B3GALT1: variants seen among roughly 807,000 people sequenced by gnomAD.
B3GALT1 encodes beta-1,3-galactosyltransferase 1, also known as UDP-Gal:betaGlcNAc beta 1,3-galactosyltransferase, polypeptide 1.
Under a neutral mutation model 23.2 loss-of-function variants are expected in B3GALT1, and 10 were observed. That is an observed-to-expected ratio of 0.43 (90% CI 0.27 to 0.73). The LOEUF (loss-of-function observed/expected upper bound fraction) is 0.73, where lower values mean the gene tolerates loss of function less well. B3GALT1 is among the 30% of genes least tolerant of loss of function. The pLI, the probability that B3GALT1 is intolerant of heterozygous loss-of-function variation, is 0.21. For missense variants in B3GALT1, 299 were observed against 405.4 expected (o/e 0.74, Z 2.25); for synonymous variants, 156 against 141.5 (o/e 1.10, Z -0.73).
chr2:167,825,216 G>A (rs558672414), intron 4 of B3GALT1, among the ~76,000 whole-genome samples: 15 of 146,604 alleles, frequency 1.0e-4, no homozygotes, highest in South Asian at 6.5e-4. Context: ...CCCGGGAGGC[G>A]AAGCTTGCAG....
intron 2 of B3GALT1, among the ~76,000 whole-genome samples, chr2:167,491,694 G>C (rs1699713006): frequency 6.6e-6 from 1 of 151,520 alleles, no homozygotes. Flanking sequence ...GGGTGTCTGT[G>C]GTCTCAGCTA....
intron 1 of B3GALT1, among the ~76,000 whole-genome samples, chr2:167,333,758 T>C (rs1015933142): frequency 6.6e-6 from 1 of 152,174 alleles, no homozygotes; most frequent in Non-Finnish European, 1.5e-5. Flanking sequence ...AAGCAATGCA[T>C]TTAGGTTATT....
chr2:167,371,983 A>G (rs1697693430), intron 1 of B3GALT1, among the ~76,000 whole-genome samples: 1 of 151,740 alleles, frequency 6.6e-6, no homozygotes, highest in South Asian at 2.1e-4. Context: ...GTTAAAAGAT[A>G]TGGTTAAAAT....
chr2:167,833,664 T>TATC (rs1414783938), intron 4 of B3GALT1, among the ~76,000 whole-genome samples: 1 of 152,246 alleles, frequency 6.6e-6, no homozygotes, highest in African/African-American at 2.4e-5. Flanking sequence ...GAAAGTTACC[T>TATC]ATCTATCTAA....
At chr2:167,713,675 C>T in intron 3 of B3GALT1, 1 of 1,424,132 alleles carries the variant, frequency 7.0e-7, no homozygotes, top group Non-Finnish European at 9.8e-7. Context: ...TGCTGTGGTT[C>T]TGGATGTTCA....
At chr2:167,632,615 T>C (rs1685470478) in intron 2 of B3GALT1, among the ~76,000 whole-genome samples, 1 of 152,130 alleles carries the variant, frequency 6.6e-6, no homozygotes, top group Admixed American at 6.6e-5. Flanking sequence ...TGTCTGTTTA[T>C]ATCCTTTGCC....
chr2:167,438,452 C>T (rs1396173745), intron 1 of B3GALT1, among the ~76,000 whole-genome samples: 2 of 152,130 alleles, frequency 1.3e-5, no homozygotes, highest in African/African-American at 4.8e-5. Context: ...ACGCATGTTC[C>T]CTGTGGATAT....
At chr2:167,322,674 T>G (rs903343477) in intron 1 of B3GALT1, among the ~76,000 whole-genome samples, 1 of 152,046 alleles carries the variant, frequency 6.6e-6, no homozygotes. Flanking sequence ...ATCAATTTCC[T>G]TGAAGAATTT....
At chr2:167,565,486 C>T (rs1684141247) in intron 2 of B3GALT1, among the ~76,000 whole-genome samples, 1 of 152,138 alleles carries the variant, frequency 6.6e-6, no homozygotes, top group Non-Finnish European at 1.5e-5. Context: ...GCAGTGGCAA[C>T]AAAAGCCAAA....
At chr2:167,659,704 C>A (rs530953223) in intron 3 of B3GALT1, among the ~76,000 whole-genome samples, 12 of 152,150 alleles carry the variant, frequency 7.9e-5, no homozygotes, top group African/African-American at 2.6e-4. Flanking sequence ...TAAAATATTT[C>A]TTTAATCTCT....
intron 1 of B3GALT1, among the ~76,000 whole-genome samples, chr2:167,414,569 T>A (rs1009752459): frequency 6.6e-6 from 1 of 152,160 alleles, no homozygotes. Context: ...TGTATTTCAA[T>A]GCAGAAAAGT....
intron 4 of B3GALT1, among the ~76,000 whole-genome samples, chr2:167,855,266 T>TA (rs778208990): frequency 6.6e-6 from 1 of 152,096 alleles, no homozygotes; most frequent in African/African-American, 2.4e-5. Context: ...GACGACCATG[T>TA]AAAAAGTGAG....
intron 2 of B3GALT1, among the ~76,000 whole-genome samples, chr2:167,556,240 G>A (rs1683847525): frequency 6.6e-6 from 1 of 152,004 alleles, no homozygotes; most frequent in Non-Finnish European, 1.5e-5. Context: ...CATACTCAGA[G>A]GTTGAATTAA....
intron 3 of B3GALT1, among the ~76,000 whole-genome samples, chr2:167,765,635 A>T (rs867085506): frequency 3.3e-5 from 5 of 152,354 alleles, no homozygotes; most frequent in African/African-American, 1.2e-4. Context: ...TGAATGAATT[A>T]AAAACCAGCA....
chr2:167,721,225 G>C (rs926429639), intron 3 of B3GALT1, among the ~76,000 whole-genome samples: 1 of 152,186 alleles, frequency 6.6e-6, no homozygotes, highest in African/African-American at 2.4e-5. Flanking sequence ...TTTATTTAAT[G>C]CAACCAGGAA....
At chr2:167,817,933 A>C (rs560182054) in intron 3 of B3GALT1, among the ~76,000 whole-genome samples, 1 of 152,340 alleles carries the variant, frequency 6.6e-6, no homozygotes, top group Admixed American at 6.5e-5. Context: ...AGTGGTCATA[A>C]GTGACACTAA....
At chr2:167,700,329 G>T (rs548478850) in intron 3 of B3GALT1, among the ~76,000 whole-genome samples, 70 of 152,134 alleles carry the variant, frequency 4.6e-4, no homozygotes, top group Non-Finnish European at 9.4e-4. Flanking sequence ...TATGGGAAAG[G>T]TTACCTTTTC....
chr2:167,564,551 A>G (rs1684111527), intron 2 of B3GALT1, among the ~76,000 whole-genome samples: 1 of 152,174 alleles, frequency 6.6e-6, no homozygotes, highest in South Asian at 2.1e-4. Flanking sequence ...AGACCACGCC[A>G]CTGCACTCCA....
chr2:167,559,671 G>A (rs1367666924), intron 2 of B3GALT1, among the ~76,000 whole-genome samples: 1 of 152,188 alleles, frequency 6.6e-6, no homozygotes, highest in Non-Finnish European at 1.5e-5. Context: ...GAAGCCTCAG[G>A]ACCCAGTGCG....
Sources: allele counts gnomAD v4.1 joint callset (sites outside exome capture counted in the v4.1 genomes callset), GRCh38; gene constraint gnomAD v4.1.1; transcripts MANE v1.5; gene names NCBI Gene and HGNC (gene_info 2026-07-23, HGNC 2026-07-21).